The following ATP6V1A variants were observed in gnomAD, a reference collection of about 807,000 sequenced individuals.
ATP6V1A encodes the protein ATPase H+ transporting V1 subunit A.
In ATP6V1A, 18 loss-of-function variants were observed where a neutral mutation model predicts 70.1. That is an observed-to-expected ratio of 0.26 (90% confidence interval 0.18 to 0.38). The LOEUF is 0.38. ATP6V1A is among the 10% of genes least tolerant of loss of function. The probability of loss-of-function intolerance (pLI) is 1.00; values close to 1 mark genes in which losing one functional copy is unlikely to be tolerated. For synonymous variants in ATP6V1A, 232 were observed against 253.8 expected, an observed-to-expected ratio of 0.91 and a Z score of 0.82; for missense variants, 424 against 772.4, an observed-to-expected ratio of 0.55 and a Z score of 5.35.
chr3:113,771,536 C>T (rs1463494000), intron 1 of ATP6V1A, among the ~76,000 whole-genome samples: 1 of 147,814 alleles, frequency 6.8e-6, no homozygotes, highest in African/African-American at 2.5e-5. Context: ...CTCCCGGGTT[C>T]AGGCCATTCT....
chr3:113,782,133 G>T (rs1708983041), intron 3 of ATP6V1A, among the ~76,000 whole-genome samples: 2 of 152,088 alleles, frequency 1.3e-5, no homozygotes, highest in Admixed American at 6.6e-5. Flanking sequence ...TTGGTACGAC[G>T]TTTTTGCCAT....
intron 1 of ATP6V1A, among the ~76,000 whole-genome samples, chr3:113,778,528 G>A (rs796389401): frequency 3.9e-5 from 6 of 152,076 alleles, no homozygotes; most frequent in African/African-American, 1.4e-4. Context: ...AGCTATGACT[G>A]TACCACCACA....
intron 1 of ATP6V1A, among the ~76,000 whole-genome samples, chr3:113,768,877 C>G (rs1257861301): frequency 1.3e-5 from 2 of 152,040 alleles, no homozygotes; most frequent in African/African-American, 4.8e-5. Flanking sequence ...ATTACAGCCA[C>G]CGTGCCCAGC....
At chr3:113,766,683 T>G (rs377718083) in intron 1 of ATP6V1A, among the ~76,000 whole-genome samples, 15 of 152,216 alleles carry the variant, frequency 9.9e-5, no homozygotes, top group East Asian at 5.8e-4. Flanking sequence ...CACTTCCTAA[T>G]ACCATCACAT....
intron 1 of ATP6V1A, among the ~76,000 whole-genome samples, chr3:113,750,268 A>G (rs796861834): frequency 2.6e-5 from 4 of 152,326 alleles, no homozygotes; most frequent in African/African-American, 7.2e-5. Flanking sequence ...TCACAACGTC[A>G]GGAGATCGAG....
At position 113,809,660 on chromosome 3, in the gene ATP6V1A, T is replaced by C. The variant is rs950325626; in HGVS notation, c.*233T>C. ...CTTCCTTTATCTGAAGTGGTGAATA[T>C]AGTAAATATACATTCTGGTTACACT... On this transcript the variant is annotated 3_prime_UTR_variant, in exon 15 of 15. Coordinates refer to ENST00000273398, the MANE Select transcript of ATP6V1A (RefSeq NM_001690.4). 4.8e-5 allele frequency: 18 copies of C among 375,412 alleles called. No individual in the cohort carries two copies. The highest frequency in any genetic ancestry group is 3.3e-4 in the African/African-American group (16 of 48,872). The allele number at this position is 375,412 out of a possible 1,614,324, so 23.3% of individuals were successfully genotyped here.
chr3:113,788,924 G>T, intron 7 of ATP6V1A, 49 bp downstream of exon 7: 1 of 1,525,566 alleles, frequency 6.6e-7, no homozygotes, highest in Non-Finnish European at 9.0e-7. Context: ...CCACTCATCA[G>T]TGTTCATTGA....
chr3:113,803,825 A>G, intron 13 of ATP6V1A, 148 bp downstream of exon 13: 1 of 577,694 alleles, frequency 1.7e-6, no homozygotes, highest in East Asian at 2.9e-5. Context: ...TGTAGTAGAC[A>G]TGATCTAATA....
chr3:113,779,806 T>C (rs1708958954), intron 2 of ATP6V1A, among the ~76,000 whole-genome samples: 1 of 152,210 alleles, frequency 6.6e-6, no homozygotes, highest in South Asian at 2.1e-4. Flanking sequence ...AAATATTCTG[T>C]GAAACTGTGT....
chr3:113,759,917 T>A (rs765311589), intron 1 of ATP6V1A, among the ~76,000 whole-genome samples: 17 of 152,224 alleles, frequency 1.1e-4, no homozygotes, highest in Non-Finnish European at 2.1e-4. Context: ...GCGGTCCCTG[T>A]TTTTCTAGCA....
At chr3:113,748,240 T>TTGG (rs958953070) in intron 1 of ATP6V1A, among the ~76,000 whole-genome samples, 8 of 152,220 alleles carry the variant, frequency 5.3e-5, no homozygotes, top group African/African-American at 1.9e-4. Context: ...CCAACCCAAG[T>TTGG]ACTCCCATTC....
chr3:113,749,739 A>AT (rs1422757340), intron 1 of ATP6V1A, among the ~76,000 whole-genome samples: 1 of 152,240 alleles, frequency 6.6e-6, no homozygotes, highest in Non-Finnish European at 1.5e-5. Flanking sequence ...TAGGTACTCA[A>AT]TAAATTATTT....
In ATP6V1A at chr3:113,803,737, A is replaced by G. The variant is rs1709246032; in HGVS notation, c.1589+60A>G. On this transcript the variant is annotated intron_variant, in intron 13 of 14. Transcript: ENST00000273398. ...ATTTTCTGTTGTGTTTTGGTGAAGG[A>G]GTACACATTAAAAACCCTTTTTTAT... 1.4e-5 allele frequency: 19 copies of G among 1,365,748 alleles called. No homozygotes were observed. The South Asian group carries it at 1.6e-4, about 12-fold the overall frequency. The allele number at this position is 1,365,748 out of a possible 1,614,324, so 84.6% of individuals were successfully genotyped here.
chr3:113,802,277 A>G (rs1165527984), intron 12 of ATP6V1A, among the ~76,000 whole-genome samples: 1 of 152,212 alleles, frequency 6.6e-6, no homozygotes, highest in Non-Finnish European at 1.5e-5. Flanking sequence ...TAATTAAGAT[A>G]GCAAGCCAAG....
intron 8 of ATP6V1A, among the ~76,000 whole-genome samples, chr3:113,790,302 C>G (rs1224899843): frequency 4.1e-5 from 1 of 24,508 alleles, no homozygotes. Context: ...GACTCTGTCT[C>G]AAAAAAAAAA....
chr3:113,789,670 TAGGG>T (rs1559757687), intron 7 of ATP6V1A, 58 bp from the exon 8 acceptor site: 7 of 1,252,030 alleles, frequency 5.6e-6, no homozygotes, highest in South Asian at 2.7e-5. Context: ...AAAAGAAAAA[TAGGG>T]AGGGCTAAAA....
chr3:113,779,648 A>G (rs563520023), intron 2 of ATP6V1A, among the ~76,000 whole-genome samples: 2 of 152,206 alleles, frequency 1.3e-5, no homozygotes, highest in South Asian at 2.1e-4. Context: ...GCTTGATTTC[A>G]TTGGCAGGTC....
At chr3:113,807,906 G>A (rs1383390247) in intron 14 of ATP6V1A, among the ~76,000 whole-genome samples, 3 of 152,016 alleles carry the variant, frequency 2.0e-5, no homozygotes, top group Non-Finnish European at 4.4e-5. Context: ...GGCCGAGGCG[G>A]GTGGATCACC....
intron 12 of ATP6V1A, 37 bp downstream of exon 12, chr3:113,798,483 G>A (rs760419359): frequency 1.6e-5 from 25 of 1,603,504 alleles, no homozygotes; most frequent in Middle Eastern, 1.7e-4. Flanking sequence ...AGATCTGTGG[G>A]TTACACTGGG....
Sources: gnomAD v4.1 joint callset for allele counts (sites outside exome capture counted in the v4.1 genomes callset) on GRCh38, gnomAD v4.1.1 for gene constraint, MANE v1.5 for transcripts, NCBI Gene and HGNC (gene_info 2026-07-23, HGNC 2026-07-21) for gene names.